The following SLC25A13 variants were observed in gnomAD, a reference collection of about 807,000 sequenced individuals.
SLC25A13 encodes electrogenic aspartate/glutamate antiporter SLC25A13, mitochondrial.
In SLC25A13, 70 loss-of-function variants were observed where a neutral mutation model predicts 85.5. The observed-to-expected ratio is 0.82, with a 90% confidence interval of 0.68 to 1.00. SLC25A13 has a LOEUF of 1.00. Ranked by LOEUF, SLC25A13 falls within the 50% of genes least tolerant of loss-of-function variation. SLC25A13 has a pLI of 0.00. For synonymous variants in SLC25A13, 259 were observed against 288.7 expected (o/e 0.90, Z 1.04); for missense variants, 765 against 819.8 (o/e 0.93, Z 0.82).
intron 3 of SLC25A13, among the ~76,000 whole-genome samples, chr7:96,251,716 A>AT (rs1363043696): frequency 2.6e-5 from 4 of 152,034 alleles, no homozygotes; most frequent in East Asian, 1.9e-4. Context: ...TTTCTTTTCT[A>AT]TTTTTTTGCT....
rs546955657 is a variant in SLC25A13, at chr7:96,146,861, C to A, written c.1312-165G>T. ...ACGGTTAGGGATTACAAGTATGAAT[C>A]AAAATACAGTTACTGCCTAGGAAGA... On this transcript the variant is annotated intron_variant, in intron 13 of 17. Transcript: ENST00000265631. Among the ~76,000 whole-genome samples, 16 of 152,246 alleles carry A rather than the reference C, an allele frequency of 1.1e-4. No homozygotes were observed. In the South Asian group the frequency reaches 3.3e-3, roughly 32 times the overall value.
Position 96,120,403 on chromosome 7 carries a change from C to G in SLC25A13, c.*788G>C, listed in dbSNP as rs1213755180. On this transcript the variant is annotated 3_prime_UTR_variant, in exon 18 of 18. Coordinates refer to ENST00000265631, the MANE Select transcript of SLC25A13 (RefSeq NM_014251.3). ...ATGAGGAGAATAGGGCAGGCAGCAA[C>G]AGGGCAACATGCATTTTTCAAGAGT... The G allele has an allele frequency of 2.2e-6, 1 of 454,152 alleles. No individual in the cohort carries two copies. The highest frequency in any genetic ancestry group is 4.4e-6 in the Non-Finnish European group (1 of 226,794). The allele number at this position is 454,152 out of a possible 1,614,324, so 28.1% of individuals were successfully genotyped here. A position where few individuals can be genotyped will look rare whatever the true frequency, so the allele number is the denominator to read the frequency against.
chr7:96,208,406 A>G (rs1167660066), intron 5 of SLC25A13, among the ~76,000 whole-genome samples: 1 of 152,178 alleles, frequency 6.6e-6, no homozygotes, highest in Non-Finnish European at 1.5e-5. Flanking sequence ...AGTATGTAGT[A>G]AGTAAATCAC....
In SLC25A13 at chr7:96,233,134, C is replaced by T. The variant is rs75624441; in HGVS notation, c.328+1668G>A. On this transcript the variant is annotated intron_variant, in intron 4 of 17. Transcript: ENST00000265631. ...ATTTCTCAGTCCTCTAATATCAAAT[C>T]GAACTCTCTTCCATTCCTCACATCC... 6.0e-3 allele frequency among the ~76,000 whole-genome samples: 921 copies of T among 152,256 alleles called. 10 individuals carry two copies. The highest frequency in any genetic ancestry group is 0.021 in the African/African-American group (878 of 41,552).
chr7:96,183,436 G>A (rs1794496852), intron 11 of SLC25A13, among the ~76,000 whole-genome samples: 1 of 152,190 alleles, frequency 6.6e-6, no homozygotes, highest in Non-Finnish European at 1.5e-5. Context: ...CATCTAGAGA[G>A]AGCATTAGTA....
chr7:96,289,158 G>C (rs902086669), intron 2 of SLC25A13, among the ~76,000 whole-genome samples: 2 of 152,204 alleles, frequency 1.3e-5, no homozygotes, highest in African/African-American at 4.8e-5. Context: ...GTCTGGTGTG[G>C]ACCTCCATCA....
chr7:96,231,059 C>T (rs552312536), intron 4 of SLC25A13, among the ~76,000 whole-genome samples: 2 of 151,852 alleles, frequency 1.3e-5, no homozygotes, highest in Admixed American at 6.6e-5. Flanking sequence ...TGCAGTGAGC[C>T]GAGATCATAC....
intron 2 of SLC25A13, among the ~76,000 whole-genome samples, chr7:96,288,847 G>A (rs1041371474): frequency 3.3e-5 from 5 of 152,166 alleles, no homozygotes; most frequent in African/African-American, 4.8e-5. Flanking sequence ...GAGCATAGCC[G>A]AACAAAAGGC....
chr7:96,149,549 GAAGA>G (rs1235691223), intron 13 of SLC25A13, among the ~76,000 whole-genome samples: 3 of 152,204 alleles, frequency 2.0e-5, no homozygotes, highest in Non-Finnish European at 4.4e-5. Context: ...GATGCACGGG[GAAGA>G]AAGAATGTAG....
intron 14 of SLC25A13, among the ~76,000 whole-genome samples, chr7:96,138,218 C>A (rs1050266060): frequency 5.9e-5 from 9 of 152,092 alleles, no homozygotes; most frequent in African/African-American, 2.2e-4. Context: ...TCCACTGTTG[C>A]CATTTTTAGG....
At chr7:96,133,364 TACA>T (rs1001039726) in intron 14 of SLC25A13, among the ~76,000 whole-genome samples, 1 of 152,216 alleles carries the variant, frequency 6.6e-6, no homozygotes, top group Non-Finnish European at 1.5e-5. Context: ...TTTAGGCACG[TACA>T]AACTAACGTC....
intron 4 of SLC25A13, among the ~76,000 whole-genome samples, chr7:96,224,188 G>A (rs975170595): frequency 1.3e-5 from 2 of 152,036 alleles, no homozygotes; most frequent in African/African-American, 2.4e-5. Flanking sequence ...GTGACTATAC[G>A]CTGGCTTCAC....
At chr7:96,257,997 G>A (rs2116885519) in intron 3 of SLC25A13, among the ~76,000 whole-genome samples, 1 of 152,236 alleles carries the variant, frequency 6.6e-6, no homozygotes. Flanking sequence ...TGCAGAAAAG[G>A]CCTTTGATAA....
At chr7:96,222,593 A>G (rs545673278) in intron 4 of SLC25A13, among the ~76,000 whole-genome samples, 2 of 152,156 alleles carry the variant, frequency 1.3e-5, no homozygotes, top group African/African-American at 4.8e-5. Flanking sequence ...CTACAGGCAC[A>G]TGCCACCATG....
chr7:96,290,692 A>G (rs1386116596), intron 2 of SLC25A13, among the ~76,000 whole-genome samples: 4 of 152,216 alleles, frequency 2.6e-5, no homozygotes, highest in Non-Finnish European at 4.4e-5. Flanking sequence ...AGGCCATTAC[A>G]TAATGGTAAA....
chr7:96,231,309 G>A (rs1403839574), intron 4 of SLC25A13, among the ~76,000 whole-genome samples: 1 of 152,140 alleles, frequency 6.6e-6, no homozygotes, highest in African/African-American at 2.4e-5. Context: ...TATCAAGAGA[G>A]TAAACAGACA....
At chr7:96,252,158 G>A (rs751491933) in intron 3 of SLC25A13, among the ~76,000 whole-genome samples, 6 of 152,112 alleles carry the variant, frequency 3.9e-5, no homozygotes, top group Non-Finnish European at 7.4e-5. Context: ...CAACTTTCCA[G>A]CATCTTCCTT....
intron 13 of SLC25A13, among the ~76,000 whole-genome samples, chr7:96,159,690 AT>A (rs949716753): frequency 1.5e-4 from 23 of 151,854 alleles, no homozygotes; most frequent in Admixed American, 3.9e-4. Flanking sequence ...GCAATATAGA[AT>A]TTTTTTTTCT....
chr7:96,213,055 T>C (rs1183997791), intron 4 of SLC25A13, among the ~76,000 whole-genome samples: 3 of 152,270 alleles, frequency 2.0e-5, no homozygotes, highest in African/African-American at 7.2e-5. Flanking sequence ...ATATTAAATC[T>C]TGTTCCTCTG....
Sources: gnomAD v4.1 joint callset for allele counts (sites outside exome capture counted in the v4.1 genomes callset) on GRCh38, gnomAD v4.1.1 for gene constraint, MANE v1.5 for transcripts, NCBI Gene and HGNC (gene_info 2026-07-23, HGNC 2026-07-21) for gene names.